The following ACTR1A variants were observed in gnomAD, a reference collection of about 807,000 sequenced individuals.
The protein encoded by ACTR1A is actin related protein 1A.
A neutral mutation model predicts 50.7 loss-of-function variants in ACTR1A; 10 were observed. The observed-to-expected ratio is 0.20, with a 90% CI of 0.12 to 0.33. The LOEUF (loss-of-function observed/expected upper bound fraction) is 0.33. Among genes scored for constraint, ACTR1A ranks in the 10% least tolerant of loss-of-function variants. The pLI, the probability that ACTR1A is intolerant of heterozygous loss-of-function variation, is 1.00. For missense variants in ACTR1A, 253 were observed against 491.7 expected, an observed-to-expected ratio of 0.51 and a Z score of 4.59; for synonymous variants, 177 against 184.2, an observed-to-expected ratio of 0.96 and a Z score of 0.32.
In ACTR1A at chr10:102,480,810, C is replaced by G; in HGVS notation, c.*53G>C. 2 of 1,439,742 alleles carry G rather than the reference C, an allele frequency of 1.4e-6. No homozygotes were observed. Among genetic ancestry groups the G allele is most frequent in the Admixed American group, 3.4e-5 (2 of 59,694 alleles). The allele number at this position is 1,439,742 out of a possible 1,614,324, so 89.2% of individuals were successfully genotyped here. A position where few individuals can be genotyped will look rare whatever the true frequency, so the allele number is the denominator to read the frequency against. ...TCGCAAACACTCCGACTCAAGAAAG[C>G]GAGTTTTAAAGTGGAGTTAACTTCA... is the stretch of plus-strand genomic sequence containing the variant. On this transcript the variant is annotated 3_prime_UTR_variant, in exon 11 of 11. Transcript: ENST00000369905.
intron 1 of ACTR1A, among the ~76,000 whole-genome samples, chr10:102,500,456 C>A (rs960944457): frequency 1.3e-5 from 2 of 152,170 alleles, no homozygotes; most frequent in Non-Finnish European, 2.9e-5. Context: ...GTAGTCCCAG[C>A]TACTCGGGAG....
Position 102,500,812 on chromosome 10 carries a change from C to A in ACTR1A, c.48+1788G>T, listed in dbSNP as rs536170188. Among the ~76,000 whole-genome samples, 245 of 152,026 alleles carry A rather than the reference C, an allele frequency of 1.6e-3. 1 individual carries two copies. The highest frequency in any genetic ancestry group is 2.7e-3 in the Non-Finnish European group (186 of 68,002). On this transcript the variant is annotated intron_variant, in intron 1 of 10. Coordinates refer to ENST00000369905, the MANE Select transcript of ACTR1A (RefSeq NM_005736.4). ...TCTCTGCCAGGCACGGTGGCTCAGG[C>A]CTATAATCCCAGCACTTTGGGAGGC...
chr10:102,502,501 C>T (rs1291184063), intron 1 of ACTR1A, 99 bp downstream of exon 1: 5 of 1,339,786 alleles, frequency 3.7e-6, no homozygotes, highest in Non-Finnish European at 5.4e-6. Flanking sequence ...CAGGCCGGGC[C>T]AGTGACAAAG....
Position 102,480,572 on chromosome 10 carries a change from C to T in ACTR1A, c.*291G>A. The T allele has an allele frequency of 6.7e-6, 3 of 448,990 alleles. No homozygotes were observed. Among genetic ancestry groups the T allele is most frequent in the Non-Finnish European group, 8.1e-6 (2 of 247,344 alleles). 27.8% of individuals were successfully genotyped at this position (448,990 alleles called of 1,614,324 possible). ...TCCCTGTGGTAGTAAACGGAGTCCC[C>T]CACAGCCAGCCAGAGGCCACCTGAG... is the stretch of plus-strand genomic sequence containing the variant. On this transcript the variant is annotated 3_prime_UTR_variant, in exon 11 of 11. Transcript: ENST00000369905.
In ACTR1A at chr10:102,485,728, A is replaced by C. The variant is rs900011023; in HGVS notation, c.321T>G (p.Pro107=). Residue 107 remains proline, a synonymous_variant, in exon 5 of 11, where the codon CCT becomes CCG. Coordinates refer to ENST00000369905, the MANE Select transcript of ACTR1A (RefSeq NM_005736.4). ...TTAAAGGCGCCTCAGTCAGGAGCACAGGATGCTGGTGAAAGGAGCCCGGGA... is the reference window on the plus strand; with the variant it reads ...TTAAAGGCGCCTCAGTCAGGAGCACCGGATGCTGGTGAAAGGAGCCCGGGA... ...DQLQTFSEEH[P]VLLTEAPLNP... The C allele has an allele frequency of 4.3e-6, 7 of 1,613,916 alleles. No individual in the cohort carries two copies. In the African/African-American group the frequency reaches 8.0e-5, roughly 18 times the overall value.
intron 1 of ACTR1A, 88 bp downstream of exon 1, chr10:102,502,512 A>G (rs2062263416): frequency 6.9e-7 from 1 of 1,454,146 alleles, no homozygotes; most frequent in Non-Finnish European, 9.6e-7. Context: ...AGTGACAAAG[A>G]GCCGGCGGCT....
chr10:102,490,485 A>T lies in ACTR1A; in HGVS notation c.113+64T>A, dbSNP rs186793915. The T allele has an allele frequency of 1.1e-5, 16 of 1,392,108 alleles. No individual in the cohort carries two copies. In the African/African-American group the frequency reaches 2.1e-4, roughly 19 times the overall value. The allele number at this position is 1,392,108 out of a possible 1,614,324, so 86.2% of individuals were successfully genotyped here. A position where few individuals can be genotyped will look rare whatever the true frequency, so the allele number is the denominator to read the frequency against. Reference sequence around the variant, plus strand: ...ACTCCAAACTCGGCTCCTGTCCCTTATAGGGCTGGGCCTGTAACAAAGCTG... The same window carrying T: ...ACTCCAAACTCGGCTCCTGTCCCTTTTAGGGCTGGGCCTGTAACAAAGCTG... On this transcript the variant is annotated intron_variant, in intron 2 of 10. Transcript: ENST00000369905.
chr10:102,494,375 G>A (rs2135587406), intron 1 of ACTR1A, among the ~76,000 whole-genome samples: 2 of 152,308 alleles, frequency 1.3e-5, no homozygotes, highest in East Asian at 3.9e-4. Flanking sequence ...ATGTGTGCCT[G>A]TACTCCTAGC....
chr10:102,479,735 T>G lies in ACTR1A; in HGVS notation c.*1128A>C. The G allele has an allele frequency of 2.4e-6, 3 of 1,250,166 alleles. No individual in the cohort carries two copies. Among genetic ancestry groups the G allele is most frequent in the Non-Finnish European group, 3.1e-6 (3 of 954,972 alleles). 77.4% of individuals were successfully genotyped at this position (1,250,166 alleles called of 1,614,324 possible). A position where few individuals can be genotyped will look rare whatever the true frequency, so the allele number is the denominator to read the frequency against. ...AGTGGCAAAAGGCAACTTGGTAAAT[T>G]GCAGCTTTCTCCAGTCTTAAGGGCA... On this transcript the variant is annotated 3_prime_UTR_variant, in exon 11 of 11. Coordinates refer to ENST00000369905, the MANE Select transcript of ACTR1A (RefSeq NM_005736.4). The surrounding 1 kb of genome is among the most constrained non-coding windows in gnomAD (Gnocchi z 4.0).
At position 102,480,760 on chromosome 10, in the gene ACTR1A, C is replaced by T; in HGVS notation, c.*103G>A. 1.1e-6 allele frequency: 1 copy of T among 941,078 alleles called. No homozygotes were observed. Among genetic ancestry groups the T allele is most frequent in the Non-Finnish European group, 1.7e-6 (1 of 576,890 alleles). 58.3% of individuals were successfully genotyped at this position (941,078 alleles called of 1,614,324 possible). A position where few individuals can be genotyped will look rare whatever the true frequency, so the allele number is the denominator to read the frequency against. On this transcript the variant is annotated 3_prime_UTR_variant, in exon 11 of 11. Coordinates refer to ENST00000369905, the MANE Select transcript of ACTR1A (RefSeq NM_005736.4). ...ATGTGCACACACACTCATATCCACA[C>T]ACGCACTCACACACAGGCAGTTCCT... is the stretch of plus-strand genomic sequence containing the variant.
At chr10:102,494,659 A>C (rs907706023) in intron 1 of ACTR1A, among the ~76,000 whole-genome samples, 25 of 152,004 alleles carry the variant, frequency 1.6e-4, no homozygotes, top group South Asian at 2.1e-4. Flanking sequence ...AACCAACCAA[A>C]CAAACAAAAA....
rs774316488 is a variant in ACTR1A, at chr10:102,479,513, G to A, written c.*1350C>T. On this transcript the variant is annotated 3_prime_UTR_variant, in exon 11 of 11. Coordinates refer to ENST00000369905, the MANE Select transcript of ACTR1A (RefSeq NM_005736.4). The surrounding 1 kb of genome is among the most constrained non-coding windows in gnomAD (Gnocchi z 4.0). ...ACAGGTGAGGGTGCCGGTGAAGACA[G>A]GCTGGCCCCAGCTTTGCACCATCTA... 1 of 852,738 alleles carries A rather than the reference G, an allele frequency of 1.2e-6. No individual in the cohort carries two copies. The highest frequency in any genetic ancestry group is 6.3e-5 in the East Asian group (1 of 15,794). 52.8% of individuals were successfully genotyped at this position (852,738 alleles called of 1,614,324 possible).
intron 1 of ACTR1A, among the ~76,000 whole-genome samples, chr10:102,500,524 G>C (rs986762165): frequency 8.5e-5 from 13 of 152,088 alleles, no homozygotes; most frequent in African/African-American, 2.9e-4. Flanking sequence ...AGCCGAGATC[G>C]CGCCACTGCA....
In ACTR1A at chr10:102,502,703, C is replaced by T; in HGVS notation, c.-56G>A. 6.3e-7 allele frequency: 1 copy of T among 1,596,714 alleles called. No homozygotes were observed. Among genetic ancestry groups the T allele is most frequent in the Non-Finnish European group, 8.6e-7 (1 of 1,164,888 alleles). ...ACTGCCCAGCCGGGTCCGCCGCTAG[C>T]GCCACTGACACGCATGCGCAGTCTA... On this transcript the variant is annotated 5_prime_UTR_variant, in exon 1 of 11. Transcript: ENST00000369905.
At position 102,480,280 on chromosome 10, in the gene ACTR1A, ATGAGG is replaced by A. The variant is rs1341646620; in HGVS notation, c.*578_*582del. 6.2e-6 allele frequency: 1 copy of A among 160,098 alleles called. No individual in the cohort carries two copies. The highest frequency in any genetic ancestry group is 2.4e-5 in the African/African-American group (1 of 41,484). 9.9% of individuals were successfully genotyped at this position (160,098 alleles called of 1,614,324 possible). ...GGTGTGGTCCTGTTCCCTGGTGAAC[ATGAGG>A]GCCTCCTGCTCTCTCCTGACTCCAG... On this transcript the variant is annotated 3_prime_UTR_variant, in exon 11 of 11. Coordinates refer to ENST00000369905, the MANE Select transcript of ACTR1A (RefSeq NM_005736.4).
chr10:102,490,877 C>T (rs2062188759), intron 1 of ACTR1A, among the ~76,000 whole-genome samples: 1 of 151,960 alleles, frequency 6.6e-6, no homozygotes, highest in African/African-American at 2.4e-5. Context: ...CCTGTAGTTC[C>T]AGCTACTTGG....
Position 102,479,363 on chromosome 10 carries a change from G to A in ACTR1A, c.*1500C>T, listed in dbSNP as rs781610961. ...GTTGGTTAAGCGCACTGCAGTCCGC[G>A]GGGCGCTACGTTGCTTTCACACATA... On this transcript the variant is annotated 3_prime_UTR_variant, in exon 11 of 11. Transcript: ENST00000369905. The surrounding 1 kb of genome is among the most constrained non-coding windows in gnomAD (Gnocchi z 4.0). 1.6e-5 allele frequency: 6 copies of A among 369,284 alleles called. No individual in the cohort carries two copies. Among genetic ancestry groups the A allele is most frequent in the African/African-American group, 2.1e-5 (1 of 47,074 alleles). 22.9% of individuals were successfully genotyped at this position (369,284 alleles called of 1,614,324 possible).
chr10:102,492,069 C>CTTTTTTTTT (rs71016386), intron 1 of ACTR1A, among the ~76,000 whole-genome samples: 1 of 92,342 alleles, frequency 1.1e-5, no homozygotes, highest in Non-Finnish European at 1.9e-5. Context: ...CGTGCCCGGC[C>CTTTTTTTTT]TTTTTTTTTT....
At chr10:102,484,724 G>A (rs1297546671) in intron 5 of ACTR1A, among the ~76,000 whole-genome samples, 1 of 152,148 alleles carries the variant, frequency 6.6e-6, no homozygotes, top group South Asian at 2.1e-4. Context: ...GGGCCAGGCA[G>A]GAAAAGTAAG....
Sources: gnomAD v4.1 joint callset for allele counts (sites outside exome capture counted in the v4.1 genomes callset) on GRCh38, gnomAD v4.1.1 for gene constraint, Gnocchi (gnomAD v3.1) non-coding constraint, MANE v1.5 for transcripts, NCBI Gene and HGNC (gene_info 2026-07-23, HGNC 2026-07-21) for gene names.